NSUN7: variants seen among roughly 807,000 people sequenced by gnomAD.
NSUN7 encodes the protein NOP2/Sun RNA methyltransferase family member 7.
NSUN7 carries 39 observed loss-of-function variants against 58.5 expected under a neutral mutation model. The observed-to-expected ratio is 0.67, with a 90% CI of 0.52 to 0.87. The LOEUF is 0.87. Ranked by LOEUF, NSUN7 falls within the 40% of genes least tolerant of loss-of-function variation. NSUN7 has a pLI of 0.00. For synonymous variants in NSUN7, 278 were observed against 303.7 expected (o/e 0.92, Z 0.88); for missense variants, 765 against 844.1 (o/e 0.91, Z 1.16).
rs56868885 is a variant in NSUN7, at chr4:40,801,901, C to CAAAAA, written c.1400+3011_1400+3015dup. Among the ~76,000 whole-genome samples the CAAAAA allele has an allele frequency of 4.9e-3, 523 of 107,036 alleles. 10 individuals are homozygous for CAAAAA. The highest frequency in any genetic ancestry group is 0.011 in the South Asian group (35 of 3,312). The allele number at this position is 107,036 out of a possible 152,430, so 70.2% of individuals were successfully genotyped here. A position where few individuals can be genotyped will look rare whatever the true frequency, so the allele number is the denominator to read the frequency against. ...CGGGTGACAGAGGGAGACTCTGTCT[C>CAAAAA]AAAAAAAAAAAAAAAAAAGAAAAGA... On this transcript the variant is annotated intron_variant, in intron 10 of 11. Coordinates refer to ENST00000381782, the MANE Select transcript of NSUN7 (RefSeq NM_024677.6).
At chr4:40,802,641 G>GTTT (rs1553919991) in intron 10 of NSUN7, among the ~76,000 whole-genome samples, 2 of 151,894 alleles carry the variant, frequency 1.3e-5, no homozygotes. Flanking sequence ...ATGTTTGTTT[G>GTTT]TTTTTTTGTA....
At chr4:40,789,652 T>C (rs1742989182) in intron 7 of NSUN7, among the ~76,000 whole-genome samples, 1 of 152,178 alleles carries the variant, frequency 6.6e-6, no homozygotes, top group Non-Finnish European at 1.5e-5. Context: ...TGATGGGTAC[T>C]TGAGAATTTA....
chr4:40,794,431 G>A lies in NSUN7; in HGVS notation c.1237G>A (p.Val413Ile), dbSNP rs759592550. The A allele has an allele frequency of 1.9e-5, 30 of 1,612,800 alleles. No homozygotes were observed. The highest frequency in any genetic ancestry group is 2.4e-5 in the Non-Finnish European group (28 of 1,179,146). ...AGGCATCTCAGTGGACAAACTTCAC[G>A]TTCTTGCTCAACAGCAGTATGAACA... ...QGGISVDKLH[V>I]LAQQQYEQLT... The change falls in exon 9 of 12, where the codon GTT becomes ATT. Residue 413 changes from valine (V) to isoleucine (I), a missense_variant. By Grantham distance (29) the Val-to-Ile change is conservative. Transcript: ENST00000381782.
At chr4:40,798,260 A>T (rs1743407656) in intron 9 of NSUN7, among the ~76,000 whole-genome samples, 1 of 152,236 alleles carries the variant, frequency 6.6e-6, no homozygotes, top group Admixed American at 6.5e-5. Flanking sequence ...CAAAGCCTAG[A>T]ACAGTGCCTG....
intron 7 of NSUN7, among the ~76,000 whole-genome samples, chr4:40,785,421 G>A (rs1286851779): frequency 2.6e-5 from 4 of 152,210 alleles, no homozygotes; most frequent in East Asian, 1.9e-4. Flanking sequence ...GTGCAATGGC[G>A]TGATCTTGGC....
chr4:40,782,215 A>T (rs993325025), intron 7 of NSUN7, among the ~76,000 whole-genome samples: 2 of 152,196 alleles, frequency 1.3e-5, no homozygotes, highest in African/African-American at 4.8e-5. Context: ...CAAAAATAAT[A>T]AAGTTCTTAG....
rs538329794 is a variant in NSUN7, at chr4:40,807,256, C to T, written c.1524+72C>T. 15 of 1,381,594 alleles carry T rather than the reference C, an allele frequency of 1.1e-5. No homozygotes were observed. The South Asian group carries it at 2.1e-4, about 19-fold the overall frequency. The allele number at this position is 1,381,594 out of a possible 1,614,324, so 85.6% of individuals were successfully genotyped here. A position where few individuals can be genotyped will look rare whatever the true frequency, so the allele number is the denominator to read the frequency against. ...ACTACAAAGCCTCATAAGAGGAAGC[C>T]AGGAACTTTGCACATTCTGTAAAGA... On this transcript the variant is annotated intron_variant, in intron 11 of 11. Coordinates refer to ENST00000381782, the MANE Select transcript of NSUN7 (RefSeq NM_024677.6).
intron 7 of NSUN7, among the ~76,000 whole-genome samples, chr4:40,778,606 G>A (rs1301636940): frequency 6.6e-6 from 1 of 152,186 alleles, no homozygotes; most frequent in Non-Finnish European, 1.5e-5. Flanking sequence ...ATCTGCTGGT[G>A]CCTTGATCTT....
chr4:40,802,385 T>A (rs1478735632), intron 10 of NSUN7, among the ~76,000 whole-genome samples: 1 of 152,194 alleles, frequency 6.6e-6, no homozygotes, highest in Admixed American at 6.5e-5. Flanking sequence ...AGATGCATAA[T>A]GAAATGGTTA....
chr4:40,796,377 A>G (rs897528462), intron 9 of NSUN7, among the ~76,000 whole-genome samples: 2 of 152,042 alleles, frequency 1.3e-5, no homozygotes, highest in African/African-American at 4.8e-5. Context: ...ATGGTGGCTC[A>G]TGTCTGAAAT....
intron 7 of NSUN7, among the ~76,000 whole-genome samples, chr4:40,788,231 G>A (rs956787798): frequency 3.3e-5 from 5 of 152,240 alleles, no homozygotes; most frequent in Admixed American, 2.0e-4. Flanking sequence ...GAAATGTCAA[G>A]CAGGTATTTG....
At chr4:40,806,303 A>G (rs1381696965) in intron 10 of NSUN7, among the ~76,000 whole-genome samples, 1 of 152,172 alleles carries the variant, frequency 6.6e-6, no homozygotes, top group Non-Finnish European at 1.5e-5. Context: ...CCAGGACACA[A>G]TGATTAATAA....
At chr4:40,761,071 C>G in intron 3 of NSUN7, 100 bp from the exon 4 acceptor site, 1 of 931,286 alleles carries the variant, frequency 1.1e-6, no homozygotes, top group South Asian at 1.6e-5. Flanking sequence ...AGTCGTATTC[C>G]TGCTCTGTTA....
Position 40,808,662 on chromosome 4 carries a change from C to A in NSUN7, c.1880C>A (p.Pro627Gln), listed in dbSNP as rs539347202. 1.9e-6 allele frequency: 3 copies of A among 1,551,794 alleles called. No homozygotes were observed. The highest frequency in any genetic ancestry group is 2.7e-5 in the African/African-American group (2 of 73,004). The change falls in exon 12 of 12, where the codon CCG becomes CAG. Residue 627 changes from proline to glutamine, a missense_variant. Transcript: ENST00000381782. Reference protein sequence around the residue: ...AFVKNTCPSRPRERQTHFLRP... With the variant: ...AFVKNTCPSRQRERQTHFLRP... Reference sequence around the variant, plus strand: ...GTGAAGAACACTTGTCCCTCCAGACCGCGTGAACGGCAGACACACTTCTTA... The same window carrying A: ...GTGAAGAACACTTGTCCCTCCAGACAGCGTGAACGGCAGACACACTTCTTA...
Position 40,750,807 on chromosome 4 carries a change from A to T in NSUN7, c.114A>T (p.Glu38Asp). 6.2e-7 allele frequency: 1 copy of T among 1,614,224 alleles called. No homozygotes were observed. ...GGAAAAGCTCAGCTGGTGTGCCCGA[A>T]AAAACGGGCTATCCGGACTCCGTTT... ...SGGKSSAGVP[E>D]KTGYPDSVYV... Residue 38 changes from glutamate to aspartate, a missense_variant, in exon 2 of 12, where the codon GAA (glutamate) becomes GAT (aspartate). Coordinates refer to ENST00000381782, the MANE Select transcript of NSUN7 (RefSeq NM_024677.6).
At chr4:40,764,459 T>C in intron 4 of NSUN7, among the ~76,000 whole-genome samples, 1 of 152,182 alleles carries the variant, frequency 6.6e-6, no homozygotes, top group Admixed American at 6.5e-5. Context: ...TGTGCCACAT[T>C]TTCTTAATCC....
intron 9 of NSUN7, among the ~76,000 whole-genome samples, chr4:40,798,082 A>G (rs1332766324): frequency 2.0e-5 from 3 of 151,778 alleles, no homozygotes; most frequent in Non-Finnish European, 4.4e-5. Flanking sequence ...ATTTCACACT[A>G]TTTCTCCTGG....
At chr4:40,806,762 C>A (rs7663370) in intron 10 of NSUN7, among the ~76,000 whole-genome samples, 69,966 of 151,864 alleles carry the variant, frequency 0.46, 16,282 homozygotes, top group Admixed American at 0.55. Flanking sequence ...GCTTTTACTG[C>A]CATATTAGTG....
At chr4:40,756,520 G>T (rs1282216541) in intron 2 of NSUN7, among the ~76,000 whole-genome samples, 2 of 152,180 alleles carry the variant, frequency 1.3e-5, no homozygotes, top group Non-Finnish European at 2.9e-5. Flanking sequence ...TATCGGTGTG[G>T]TGTATTTGGT....
Sources: gnomAD v4.1 joint callset for allele counts (sites outside exome capture counted in the v4.1 genomes callset) on GRCh38, gnomAD v4.1.1 for gene constraint, MANE v1.5 for transcripts, NCBI Gene and HGNC (gene_info 2026-07-23, HGNC 2026-07-21) for gene names.